Variants in TTC3 observed in about 807,000 individuals in gnomAD.
The protein encoded by TTC3 is E3 ubiquitin-protein ligase TTC3.
In TTC3, 180 loss-of-function variants were observed where a neutral mutation model predicts 249.6. The observed-to-expected ratio is 0.72, with a 90% CI of 0.64 to 0.82. The LOEUF is 0.82. Among genes scored for constraint, TTC3 ranks in the 40% least tolerant of loss-of-function variants. The pLI, the probability that TTC3 is intolerant of heterozygous loss-of-function variation, is 0.00. For synonymous variants in TTC3, 717 were observed against 805.0 expected, an observed-to-expected ratio of 0.89 and a Z score of 1.85; for missense variants, 2,061 against 2,398.4, an observed-to-expected ratio of 0.86 and a Z score of 2.94.
At chr21:37,200,412 A>G in intron 45 of TTC3, 88 bp downstream of exon 45, 1 of 1,392,366 alleles carries the variant, frequency 7.2e-7, no homozygotes, top group Non-Finnish European at 1.0e-6. Context: ...TCTAGTCATC[A>G]GTATTTATTG....
At position 37,147,484 on chromosome 21, in the gene TTC3, C is replaced by CT. The variant is rs1569051644; in HGVS notation, c.1898dup (p.Leu634ValfsTer6). On this transcript the variant is annotated frameshift_variant, in exon 22 of 46. Coordinates refer to ENST00000355666, the Ensembl canonical transcript of TTC3. LOFTEE classifies it high-confidence loss of function. ...ATTTTTGTTTATTTTGTTTTAGATG[C>CT]TGTTAGAGAAATTTGTTGAAGAATG... 4 of 1,603,686 alleles carry CT rather than the reference C, an allele frequency of 2.5e-6. No homozygotes were observed.
chr21:37,147,746 T>TGAG, intron 22 of TTC3, 143 bp downstream of exon 22: 1 of 958,116 alleles, frequency 1.0e-6, no homozygotes, highest in Non-Finnish European at 1.5e-6. Context: ...TTTTTTTTTT[T>TGAG]TGAGATAAGT....
exon 7 of TTC3, chr21:37,091,332 T>C: frequency 6.2e-7 from 1 of 1,611,902 alleles, no homozygotes; most frequent in Non-Finnish European, 8.5e-7. Flanking sequence ...TTGGATAAAA[T>C]ATGCAGGCGA....
At chr21:37,198,095 T>C in intron 44 of TTC3, 70 bp downstream of exon 44, 1 of 1,489,112 alleles carries the variant, frequency 6.7e-7, no homozygotes, top group Non-Finnish European at 9.0e-7. Flanking sequence ...AATCCATGAT[T>C]TAGCCCCATT....
chr21:37,116,650 A>C (rs994536534), intron 11 of TTC3, among the ~76,000 whole-genome samples: 2 of 151,984 alleles, frequency 1.3e-5, no homozygotes, highest in Admixed American at 1.3e-4. Context: ...CTCTACAAAA[A>C]AATTTTAAAA....
intron 36 of TTC3, among the ~76,000 whole-genome samples, chr21:37,183,974 T>C (rs540701821): frequency 5.3e-4 from 80 of 152,308 alleles, no homozygotes; most frequent in African/African-American, 1.8e-3. Flanking sequence ...TTTGTGTTTT[T>C]CCATGCCGCA....
chr21:37,099,406 G>A (rs943863652), intron 10 of TTC3, among the ~76,000 whole-genome samples: 2 of 152,178 alleles, frequency 1.3e-5, no homozygotes, highest in African/African-American at 4.8e-5. Context: ...GACACTAGGT[G>A]GATGTGATGG....
rs201700067 is a variant in TTC3, at chr21:37,164,527, A to G, written c.3335+312A>G. Among the ~76,000 whole-genome samples, 49 of 152,150 alleles carry G rather than the reference A, an allele frequency of 3.2e-4. No homozygotes were observed. The East Asian group carries it at 8.7e-3, about 27-fold the overall frequency. On this transcript the variant is annotated intron_variant, in intron 32 of 45. Coordinates refer to ENST00000355666, the Ensembl canonical transcript of TTC3. ...CTAATTTTTGTATTTTTAGTAGAGA[A>G]GGGTTTCACCATGTTGGCCAGGCAG... is the stretch of plus-strand genomic sequence containing the variant.
intron 1 of TTC3, among the ~76,000 whole-genome samples, chr21:37,076,050 T>C (rs1399937692): frequency 1.3e-5 from 2 of 152,238 alleles, no homozygotes; most frequent in South Asian, 2.1e-4. Context: ...CAGTATTGAA[T>C]GTGCTTACTT....
intron 18 of TTC3, 57 bp downstream of exon 18, chr21:37,135,571 A>G: frequency 6.4e-7 from 1 of 1,569,890 alleles, no homozygotes; most frequent in Non-Finnish European, 8.7e-7. Context: ...AGATGAATGC[A>G]GAAGAGAACC....
intron 1 of TTC3, among the ~76,000 whole-genome samples, chr21:37,085,149 G>A (rs936770274): frequency 3.3e-5 from 5 of 152,190 alleles, no homozygotes; most frequent in Admixed American, 1.3e-4. Flanking sequence ...TAATTGTATT[G>A]TAATTGATGC....
rs141780107 is a variant in TTC3, at chr21:37,094,582, C to T, written c.687+492C>T. Among the ~76,000 whole-genome samples the T allele has an allele frequency of 1.5e-3, 222 of 152,288 alleles. 2 individuals are homozygous for T. Among genetic ancestry groups the T allele is most frequent in the African/African-American group, 4.9e-3 (203 of 41,568 alleles). ...ACTCATGCTTTGCAATTAATCTAAT[C>T]AGCATTGCCTCTATGTTATTGATTT... On this transcript the variant is annotated intron_variant, in intron 8 of 45. Transcript: ENST00000355666.
chr21:37,157,511 G>A (rs1047385448), intron 28 of TTC3, among the ~76,000 whole-genome samples: 3 of 152,180 alleles, frequency 2.0e-5, no homozygotes, highest in African/African-American at 7.2e-5. Context: ...CAGTAACATG[G>A]TAGTAAACTC....
intron 28 of TTC3, chr21:37,157,128 T>C (rs1244579872): frequency 9.1e-6 from 13 of 1,431,094 alleles, no homozygotes; most frequent in Non-Finnish European, 1.2e-5. Context: ...AGGTATGTTA[T>C]GCTAACAATA....
chr21:37,153,896 A>G (rs1014614037), intron 27 of TTC3, among the ~76,000 whole-genome samples: 1 of 152,234 alleles, frequency 6.6e-6, no homozygotes, highest in African/African-American at 2.4e-5. Context: ...ATTAAGAGGA[A>G]CATATCCTAG....
chr21:37,088,947 G>A, intron 5 of TTC3, 61 bp downstream of exon 5: 1 of 1,456,120 alleles, frequency 6.9e-7, no homozygotes, highest in South Asian at 1.2e-5. Context: ...GCATTTATAT[G>A]GTGTTAGGCT....
chr21:37,149,338 TAAC>T (rs1422166791), intron 23 of TTC3, among the ~76,000 whole-genome samples: 1 of 151,700 alleles, frequency 6.6e-6, no homozygotes, highest in African/African-American at 2.4e-5. Context: ...AGGCATCTGT[TAAC>T]AATAGCAATT....
chr21:37,092,315 A>G lies in TTC3; in HGVS notation c.601+902A>G, dbSNP rs555117487. The stretch of plus-strand genomic sequence containing the variant: ...AGTGCTAGAAAGGAATTAAATGAAG[A>G]CACATCTTTCTCATAGGTTTATTAG... On this transcript the variant is annotated intron_variant, in intron 7 of 45. Coordinates refer to ENST00000355666, the Ensembl canonical transcript of TTC3. 4.6e-5 allele frequency among the ~76,000 whole-genome samples: 7 copies of G among 152,338 alleles called. No individual in the cohort carries two copies. The South Asian group carries it at 1.4e-3, about 32-fold the overall frequency.
At chr21:37,135,554 G>A (rs1206813617) in intron 18 of TTC3, 40 bp downstream of exon 18, 1 of 1,598,006 alleles carries the variant, frequency 6.3e-7, no homozygotes, top group Non-Finnish European at 8.6e-7. Flanking sequence ...CAATGCTAAT[G>A]CACCTCAGAT....
Sources: allele counts gnomAD v4.1 joint callset (sites outside exome capture counted in the v4.1 genomes callset), GRCh38; gene constraint gnomAD v4.1.1; transcripts MANE v1.5; gene names NCBI Gene and HGNC (gene_info 2026-07-23, HGNC 2026-07-21).